Variants in SYNRG observed in about 807,000 individuals in gnomAD.
SYNRG encodes the protein AP1 gamma subunit binding protein 1.
In SYNRG, 37 loss-of-function variants were observed where a neutral mutation model predicts 130.9. That is an observed-to-expected ratio of 0.28 (90% CI 0.22 to 0.37). The LOEUF (loss-of-function observed/expected upper bound fraction) is 0.37, where lower values mean the gene tolerates loss of function less well. SYNRG is among the 10% of genes least tolerant of loss of function. The pLI is 1.00. For synonymous variants in SYNRG, 539 were observed against 568.1 expected (o/e 0.95, Z 0.73); for missense variants, 1,338 against 1,588.9 (o/e 0.84, Z 2.68).
At chr17:37,561,294 GAATCTTGA>G (rs774663711) in intron 12 of SYNRG, 37 bp from the exon 13 acceptor site, 1 of 1,603,370 alleles carries the variant, frequency 6.2e-7, no homozygotes, top group Non-Finnish European at 8.5e-7. Flanking sequence ...TTAAGGTTAG[GAATCTTGA>G]AATCACAGCT....
intron 3 of SYNRG, among the ~76,000 whole-genome samples, chr17:37,592,586 C>T (rs2062295560): frequency 6.6e-6 from 1 of 151,906 alleles, no homozygotes; most frequent in Admixed American, 6.6e-5. Flanking sequence ...TATTACTCAT[C>T]GATTATAAAA....
rs140686719 is a variant in SYNRG, at chr17:37,598,686, T to A, written c.118+1677A>T. 3.6e-4 allele frequency among the ~76,000 whole-genome samples: 54 copies of A among 151,884 alleles called. 1 individual carries two copies. Among genetic ancestry groups the A allele is most frequent in the Middle Eastern group, 6.8e-3 (2 of 294 alleles). ...TGCATAATTTAAAGCCTTCAAATGA[T>A]CAAAAAGTCCATTCTAACAACTGTT... On this transcript the variant is annotated intron_variant, in intron 2 of 21. Transcript: ENST00000612223.
chr17:37,547,634 T>G (rs1279925189), intron 14 of SYNRG, among the ~76,000 whole-genome samples: 1 of 152,196 alleles, frequency 6.6e-6, no homozygotes, highest in Non-Finnish European at 1.5e-5. Flanking sequence ...GGCTAATTTT[T>G]GTATTTTTAG....
In SYNRG at chr17:37,572,423, T is replaced by C. The variant is rs116287172; in HGVS notation, c.902-436A>G. The stretch of plus-strand genomic sequence containing the variant: ...ACTTCAGCCTGGGCAACAGTGAGAC[T>C]CCGTTTCAAAAAAAAAAAGAAAAAA... On this transcript the variant is annotated intron_variant, in intron 8 of 21. Coordinates refer to ENST00000612223, the MANE Select transcript of SYNRG (RefSeq NM_007247.6). Among the ~76,000 whole-genome samples the C allele has an allele frequency of 3.9e-3, 581 of 149,470 alleles. 3 individuals are homozygous for C. Among genetic ancestry groups the C allele is most frequent in the African/African-American group, 0.014 (554 of 40,440 alleles).
chr17:37,528,052 G>A (rs2056167123), intron 19 of SYNRG, among the ~76,000 whole-genome samples: 1 of 152,172 alleles, frequency 6.6e-6, no homozygotes, highest in Non-Finnish European at 1.5e-5. Flanking sequence ...TTAAAAGCTG[G>A]AAGTAACATA....
intron 19 of SYNRG, among the ~76,000 whole-genome samples, chr17:37,523,709 C>G (rs1382109854): frequency 6.6e-6 from 1 of 152,124 alleles, no homozygotes; most frequent in Non-Finnish European, 1.5e-5. Flanking sequence ...GCAGCAAACT[C>G]TGGAGGTGTG....
chr17:37,526,046 T>C (rs531351601), intron 19 of SYNRG, among the ~76,000 whole-genome samples: 5 of 152,008 alleles, frequency 3.3e-5, no homozygotes, highest in South Asian at 2.1e-4. Context: ...GGTAGGAGAA[T>C]AGCTTGAACC....
rs2058829942 is a variant in SYNRG, at chr17:37,553,085, A to T, written c.2608+30T>A. 3 of 1,593,464 alleles carry T rather than the reference A, an allele frequency of 1.9e-6. No homozygotes were observed. The East Asian group carries it at 6.7e-5, about 36-fold the overall frequency. On this transcript the variant is annotated intron_variant, in intron 14 of 21. Coordinates refer to ENST00000612223, the MANE Select transcript of SYNRG (RefSeq NM_007247.6). The stretch of plus-strand genomic sequence containing the variant: ...AATCATCTTTGAAATCTACAACACC[A>T]TCACCAGAGCAATCTCACCAATTCC...
At chr17:37,588,046 A>G (rs1450080989) in intron 3 of SYNRG, among the ~76,000 whole-genome samples, 1 of 151,990 alleles carries the variant, frequency 6.6e-6, no homozygotes, top group African/African-American at 2.4e-5. Context: ...TCTTCATTAT[A>G]TCCTCACTTC....
rs1384344164 is a variant in SYNRG at position 37,580,510 on chromosome 17, T to TGTGTGTGTGTGA, written c.590-2898_590-2897insTCACACACACAC. Among the ~76,000 whole-genome samples the TGTGTGTGTGTGA allele has an allele frequency of 2.6e-3, 333 of 127,694 alleles. 4 individuals carry two copies. Among genetic ancestry groups the TGTGTGTGTGTGA allele is most frequent in the African/African-American group, 0.011 (312 of 27,444 alleles). 83.8% of individuals were successfully genotyped at this position (127,694 alleles called of 152,430 possible). ...GTGTGTGTGTGTGTGTGTGTGTGTGTGAGAGAGAGAGAGAGAGAGAGAGAG... is the reference window on the plus strand; with the variant it reads ...GTGTGTGTGTGTGTGTGTGTGTGTGTGTGTGTGTGTGAGAGAGAGAGAGAGAGAGAGAGAGAG... On this transcript the variant is annotated intron_variant, in intron 6 of 21. Coordinates refer to ENST00000612223, the MANE Select transcript of SYNRG (RefSeq NM_007247.6).
intron 14 of SYNRG, among the ~76,000 whole-genome samples, chr17:37,550,337 G>T (rs1386712175): frequency 6.6e-6 from 1 of 152,138 alleles, no homozygotes; most frequent in Non-Finnish European, 1.5e-5. Flanking sequence ...AAGAAACAAA[G>T]GCTAAAATGT....
intron 6 of SYNRG, among the ~76,000 whole-genome samples, chr17:37,581,286 T>C (rs929656012): frequency 6.6e-6 from 1 of 151,582 alleles, no homozygotes; most frequent in Non-Finnish European, 1.5e-5. Flanking sequence ...ATTATTATTA[T>C]TATTATTATG....
At chr17:37,605,564 G>T (rs1292390779) in intron 1 of SYNRG, among the ~76,000 whole-genome samples, 1 of 152,208 alleles carries the variant, frequency 6.6e-6, no homozygotes, top group Admixed American at 6.5e-5. Context: ...TGTCAAACAT[G>T]ACTTTCTCTA....
At chr17:37,581,743 C>G (rs963700956) in intron 6 of SYNRG, among the ~76,000 whole-genome samples, 1 of 150,604 alleles carries the variant, frequency 6.6e-6, no homozygotes, top group Non-Finnish European at 1.5e-5. Context: ...TGCACCACCA[C>G]TCCTGGCCCC....
At position 37,600,372 on chromosome 17, in the gene SYNRG, G is replaced by C; in HGVS notation, c.109C>G (p.Pro37Ala). The C allele has an allele frequency of 6.2e-7, 1 of 1,612,770 alleles. No homozygotes were observed. Among genetic ancestry groups the C allele is most frequent in the Non-Finnish European group, 8.5e-7 (1 of 1,179,732 alleles). The change falls in exon 2 of 22, where the codon CCC becomes GCC. Residue 37 changes from proline (P) to alanine (A), a missense_variant. Physicochemically the swap from Pro to Ala is conservative, Grantham distance 27. Coordinates refer to ENST00000612223, the MANE Select transcript of SYNRG (RefSeq NM_007247.6). ...FMFPVAGGIR[P>A]PQAGLMPMQQ... ...TTAAGCTCTCACATACCTTGAGGGG[G>C]TCTTATCCCACCTGCAACAGGAAAC...
intron 11 of SYNRG, chr17:37,568,360 A>G (rs915728841): frequency 6.5e-6 from 1 of 153,660 alleles, no homozygotes; most frequent in African/African-American, 2.4e-5. Flanking sequence ...TATACAAGAA[A>G]TGTGAATGAA....
In SYNRG at chr17:37,540,551, A is replaced by C; in HGVS notation, c.3203-8T>G. The C allele has an allele frequency of 1.9e-6, 3 of 1,613,404 alleles. No individual in the cohort carries two copies. Among genetic ancestry groups the C allele is most frequent in the Non-Finnish European group, 2.5e-6 (3 of 1,179,776 alleles). On this transcript the variant is annotated splice_polypyrimidine_tract_variant and splice_region_variant and intron_variant, in intron 15 of 21. Transcript: ENST00000612223. ...AACTCCTCTTGTGTGATCCTGGGAG[A>C]AGGGGATAATACAGTCAAAGGTTTT...
chr17:37,599,636 G>A (rs1439305542), intron 2 of SYNRG, among the ~76,000 whole-genome samples: 1 of 152,142 alleles, frequency 6.6e-6, no homozygotes, highest in East Asian at 1.9e-4. Context: ...TGGGAGGAAT[G>A]CTTGAGCCTA....
At chr17:37,557,335 C>T (rs2059193233) in intron 13 of SYNRG, 1 of 152,154 alleles carries the variant, frequency 6.6e-6, no homozygotes, top group African/African-American at 2.4e-5. Context: ...ACCTAAGAAA[C>T]CCACAGCTCT....
Sources: gnomAD v4.1 joint callset for allele counts (sites outside exome capture counted in the v4.1 genomes callset) on GRCh38, gnomAD v4.1.1 for gene constraint, MANE v1.5 for transcripts, NCBI Gene and HGNC (gene_info 2026-07-23, HGNC 2026-07-21) for gene names.